Variants in TRAPPC9 observed in about 807,000 individuals in gnomAD.
The protein encoded by TRAPPC9 is IKK2 binding protein.
A neutral mutation model predicts 124.0 loss-of-function variants in TRAPPC9; 83 were observed. That is an observed-to-expected ratio of 0.67 (90% CI 0.56 to 0.80). TRAPPC9 has a LOEUF of 0.80. Ranked by LOEUF, TRAPPC9 falls within the 30% of genes least tolerant of loss-of-function variation. The pLI is 0.00. For missense variants in TRAPPC9, 1,302 were observed against 1,508.3 expected (o/e 0.86, Z 2.27); for synonymous variants, 638 against 617.5 (o/e 1.03, Z -0.49).
intron 21 of TRAPPC9, among the ~76,000 whole-genome samples, chr8:139,803,017 T>C (rs1175606998): frequency 6.6e-6 from 1 of 152,074 alleles, no homozygotes; most frequent in Non-Finnish European, 1.5e-5. Flanking sequence ...TGTGTGTGCA[T>C]CCGTAGATGA....
chr8:139,743,822 AC>A (rs1252952721), intron 21 of TRAPPC9, among the ~76,000 whole-genome samples: 5 of 152,146 alleles, frequency 3.3e-5, no homozygotes, highest in African/African-American at 1.2e-4. Flanking sequence ...AACTTTCTCT[AC>A]TGCTAATGTG....
intron 21 of TRAPPC9, among the ~76,000 whole-genome samples, chr8:139,744,745 G>A (rs946473805): frequency 3.3e-5 from 5 of 152,240 alleles, no homozygotes; most frequent in Admixed American, 6.5e-5. Flanking sequence ...CTGGGAGGGC[G>A]GTGGTGCTGG....
intron 16 of TRAPPC9, among the ~76,000 whole-genome samples, chr8:140,224,948 T>C (rs1338309058): frequency 6.6e-6 from 1 of 152,216 alleles, no homozygotes; most frequent in Non-Finnish European, 1.5e-5. Flanking sequence ...GCTCCCCTTC[T>C]ACCTGGCTGA....
intron 17 of TRAPPC9, among the ~76,000 whole-genome samples, chr8:140,103,735 C>T (rs1209709744): frequency 6.6e-6 from 1 of 152,202 alleles, no homozygotes; most frequent in Non-Finnish European, 1.5e-5. Context: ...CTCAGCTGGT[C>T]TTCACAATGA....
chr8:140,225,858 C>A (rs1041298657), intron 16 of TRAPPC9, among the ~76,000 whole-genome samples: 2 of 152,160 alleles, frequency 1.3e-5, no homozygotes, highest in South Asian at 2.1e-4. Context: ...CAGCTCCTCC[C>A]GAGGGAAGGC....
chr8:139,932,264 G>A (rs561815248), intron 19 of TRAPPC9: 7 of 453,730 alleles, frequency 1.5e-5, no homozygotes, highest in African/African-American at 1.4e-4. Flanking sequence ...CGCACCACGG[G>A]GCCTCGCTCA....
chr8:140,172,421 A>T (rs532227090), intron 17 of TRAPPC9, among the ~76,000 whole-genome samples: 1 of 99,794 alleles, frequency 1.0e-5, no homozygotes, highest in Non-Finnish European at 1.9e-5. Flanking sequence ...CCTGTGGGCA[A>T]TGGAGGGGGG....
intron 21 of TRAPPC9, among the ~76,000 whole-genome samples, chr8:139,794,128 G>A (rs1822890531): frequency 6.6e-6 from 1 of 152,040 alleles, no homozygotes; most frequent in Non-Finnish European, 1.5e-5. Context: ...AGCGTCGCTG[G>A]GCAGACCCCA....
intron 21 of TRAPPC9, among the ~76,000 whole-genome samples, chr8:139,795,006 C>T (rs1216935870): frequency 1.3e-5 from 2 of 152,230 alleles, no homozygotes; most frequent in Non-Finnish European, 2.9e-5. Context: ...AACCAGCATT[C>T]ATTAAGCACT....
At chr8:140,151,291 C>T (rs747185966) in intron 17 of TRAPPC9, among the ~76,000 whole-genome samples, 3 of 152,186 alleles carry the variant, frequency 2.0e-5, no homozygotes, top group African/African-American at 4.8e-5. Context: ...CCTGGGGTTC[C>T]GTCCCATGGT....
chr8:139,828,787 G>T (rs1825794499), intron 21 of TRAPPC9, among the ~76,000 whole-genome samples: 1 of 152,130 alleles, frequency 6.6e-6, no homozygotes, highest in South Asian at 2.1e-4. Flanking sequence ...ATGCCAGCAG[G>T]CCCTCTGTCC....
chr8:140,158,436 C>A (rs1186152775), intron 17 of TRAPPC9, among the ~76,000 whole-genome samples: 1 of 152,164 alleles, frequency 6.6e-6, no homozygotes, highest in Non-Finnish European at 1.5e-5. Flanking sequence ...ATGCAGGCAG[C>A]CTGCAGAAGC....
chr8:140,230,175 T>G (rs2063557058), intron 16 of TRAPPC9, among the ~76,000 whole-genome samples: 1 of 152,182 alleles, frequency 6.6e-6, no homozygotes, highest in Non-Finnish European at 1.5e-5. Flanking sequence ...TGGCACCTGC[T>G]GGTAAGAATG....
At chr8:139,807,317 C>T (rs1824136171) in intron 21 of TRAPPC9, among the ~76,000 whole-genome samples, 2 of 152,220 alleles carry the variant, frequency 1.3e-5, no homozygotes. Flanking sequence ...GAATCACATT[C>T]CTCATGACCC....
At chr8:140,321,024 A>G (rs576441778) in intron 9 of TRAPPC9, among the ~76,000 whole-genome samples, 1 of 152,358 alleles carries the variant, frequency 6.6e-6, no homozygotes, top group Non-Finnish European at 1.5e-5. Flanking sequence ...AGTGTCAAAA[A>G]GAGGAGGGGG....
chr8:140,165,074 C>A (rs542823539), intron 17 of TRAPPC9, among the ~76,000 whole-genome samples: 1 of 152,296 alleles, frequency 6.6e-6, no homozygotes, highest in African/African-American at 2.4e-5. Context: ...GCCAACACTC[C>A]CTTTATAAAA....
chr8:140,132,274 TAAG>T, intron 17 of TRAPPC9, among the ~76,000 whole-genome samples: 1 of 152,278 alleles, frequency 6.6e-6, no homozygotes, highest in East Asian at 1.9e-4. Context: ...TTTCCCTTTG[TAAG>T]AAGTGTTTAT....
At chr8:140,232,989 T>C (rs1179301559) in intron 16 of TRAPPC9, among the ~76,000 whole-genome samples, 1 of 152,154 alleles carries the variant, frequency 6.6e-6, no homozygotes. Context: ...CGTGTGTTCT[T>C]CACAGTTGTA....
At chr8:140,181,416 A>G (rs1438653788) in intron 17 of TRAPPC9, among the ~76,000 whole-genome samples, 1 of 152,060 alleles carries the variant, frequency 6.6e-6, no homozygotes, top group Non-Finnish European at 1.5e-5. Context: ...ACCTGACAAG[A>G]CGTCCAGTTA....
Sources: gnomAD v4.1 joint callset for allele counts (sites outside exome capture counted in the v4.1 genomes callset) on GRCh38, gnomAD v4.1.1 for gene constraint, MANE v1.5 for transcripts, NCBI Gene and HGNC (gene_info 2026-07-23, HGNC 2026-07-21) for gene names.